The following RANBP17 variants were observed in gnomAD, a reference collection of about 807,000 sequenced individuals.
RANBP17 encodes ran-binding protein 17.
In RANBP17, 158 loss-of-function variants were observed where a neutral mutation model predicts 141.2. The observed-to-expected ratio is 1.12, with a 90% CI of 0.98 to 1.28. The LOEUF is 1.28. RANBP17 is among the 50% of genes most tolerant of loss of function. The pLI, the probability that RANBP17 is intolerant of heterozygous loss-of-function variation, is 0.00. For missense variants in RANBP17, 1,438 were observed against 1,290.7 expected (o/e 1.11, Z -1.75); for synonymous variants, 430 against 450.0 (o/e 0.96, Z 0.56).
chr5:170,935,396 A>G (rs562044908), intron 12 of RANBP17, among the ~76,000 whole-genome samples: 60 of 152,340 alleles, frequency 3.9e-4, no homozygotes, highest in African/African-American at 1.3e-3. Context: ...TCTGATTTTT[A>G]GAATTCTCAG....
chr5:171,195,624 C>A (rs1351578642), intron 18 of RANBP17, among the ~76,000 whole-genome samples: 1 of 152,214 alleles, frequency 6.6e-6, no homozygotes, highest in East Asian at 1.9e-4. Context: ...CTTCATGCAG[C>A]TCCAAATTTA....
intron 13 of RANBP17, among the ~76,000 whole-genome samples, chr5:170,957,740 T>C (rs1029567484): frequency 1.3e-5 from 2 of 152,218 alleles, no homozygotes; most frequent in African/African-American, 2.4e-5. Context: ...AAGGCTGTCA[T>C]GTGCCATACA....
intron 18 of RANBP17, among the ~76,000 whole-genome samples, chr5:171,188,756 G>A (rs1171383358): frequency 6.6e-6 from 1 of 152,124 alleles, no homozygotes; most frequent in East Asian, 1.9e-4. Context: ...ATCTGTGGTA[G>A]GTTAAACAAC....
At chr5:171,102,201 C>T (rs545282990) in intron 14 of RANBP17, among the ~76,000 whole-genome samples, 3 of 152,234 alleles carry the variant, frequency 2.0e-5, no homozygotes, top group African/African-American at 7.2e-5. Flanking sequence ...CAACTTGGTT[C>T]CATTCTTCCC....
At chr5:170,954,859 C>T (rs920806557) in intron 13 of RANBP17, among the ~76,000 whole-genome samples, 2 of 152,172 alleles carry the variant, frequency 1.3e-5, no homozygotes, top group African/African-American at 4.8e-5. Context: ...AATGTATCCT[C>T]TGAACCAAGG....
At chr5:170,985,164 C>A (rs1028659752) in intron 14 of RANBP17, among the ~76,000 whole-genome samples, 2 of 151,980 alleles carry the variant, frequency 1.3e-5, no homozygotes, top group Admixed American at 6.6e-5. Context: ...CACAGACACA[C>A]ACACACACAT....
chr5:170,931,102 T>G (rs1773335060), intron 12 of RANBP17, among the ~76,000 whole-genome samples: 1 of 152,228 alleles, frequency 6.6e-6, no homozygotes, highest in South Asian at 2.1e-4. Context: ...TGATTGCCAT[T>G]CTAACTGGTG....
chr5:171,214,718 A>G (rs1412774653), intron 21 of RANBP17, among the ~76,000 whole-genome samples: 1 of 152,172 alleles, frequency 6.6e-6, no homozygotes, highest in African/African-American at 2.4e-5. Context: ...CCTTAAAGGA[A>G]GGGTGGCTTT....
At position 171,174,120 on chromosome 5, in the gene RANBP17, G is replaced by C. The variant is rs549445053; in HGVS notation, c.1865+2834G>C. Among the ~76,000 whole-genome samples, 49 of 152,236 alleles carry C rather than the reference G, an allele frequency of 3.2e-4. 3 individuals carry two copies. The South Asian group carries it at 1.0e-2, about 31-fold the overall frequency. ...GATTATTGTTATTTTAAAATCCAGT[G>C]ACCTTTTTGACAGAAAGTTAATGTT... On this transcript the variant is annotated intron_variant, in intron 16 of 27. Transcript: ENST00000523189.
chr5:170,923,350 T>C (rs894192810), intron 11 of RANBP17, among the ~76,000 whole-genome samples: 3 of 152,246 alleles, frequency 2.0e-5, no homozygotes, highest in Non-Finnish European at 4.4e-5. Flanking sequence ...CTGTCTTCAT[T>C]AATCTATGTG....
chr5:170,883,936 C>T (rs983270133), intron 3 of RANBP17, among the ~76,000 whole-genome samples: 1 of 152,024 alleles, frequency 6.6e-6, no homozygotes, highest in Non-Finnish European at 1.5e-5. Flanking sequence ...TTTTGTGTGC[C>T]CAAACATTTT....
intron 14 of RANBP17, among the ~76,000 whole-genome samples, chr5:171,045,725 C>T (rs1447813615): frequency 6.6e-6 from 1 of 152,062 alleles, no homozygotes; most frequent in Non-Finnish European, 1.5e-5. Flanking sequence ...TTCACATTTC[C>T]ATCTTTTCTG....
chr5:171,153,000 T>C (rs1175242430), intron 14 of RANBP17, among the ~76,000 whole-genome samples: 1 of 152,214 alleles, frequency 6.6e-6, no homozygotes, highest in Non-Finnish European at 1.5e-5. Context: ...ATCTTGCTCC[T>C]AAAGCATTTT....
rs201600569 is a variant in RANBP17, at chr5:171,019,692, A to AT, written c.1710+51326dup. Among the ~76,000 whole-genome samples the AT allele has an allele frequency of 3.7e-4, 54 of 145,752 alleles. No homozygotes were observed. The South Asian group carries it at 5.7e-3, about 15-fold the overall frequency. On this transcript the variant is annotated intron_variant, in intron 14 of 27. Coordinates refer to ENST00000523189, the MANE Select transcript of RANBP17 (RefSeq NM_022897.5). ...AGCTAGAGGCATATCTATTTTGTTA[A>AT]TTTTTTTTTTTAAACCAGGTCCTGG...
chr5:171,134,210 A>G (rs953616893), intron 14 of RANBP17, among the ~76,000 whole-genome samples: 2 of 152,230 alleles, frequency 1.3e-5, no homozygotes, highest in Non-Finnish European at 2.9e-5. Flanking sequence ...AGGTGTAGAA[A>G]TGCCTTCCAT....
At chr5:171,216,029 A>G (rs1327190188) in intron 21 of RANBP17, among the ~76,000 whole-genome samples, 1 of 152,028 alleles carries the variant, frequency 6.6e-6, no homozygotes, top group East Asian at 1.9e-4. Context: ...TAGGATTTTT[A>G]TGGTTTTGGT....
chr5:171,050,239 T>C (rs1476320597), intron 14 of RANBP17, among the ~76,000 whole-genome samples: 1 of 152,210 alleles, frequency 6.6e-6, no homozygotes, highest in African/African-American at 2.4e-5. Context: ...AACTATAAAC[T>C]ACTATTAGTA....
Position 171,242,776 on chromosome 5 carries a change from T to C in RANBP17, c.2732T>C (p.Leu911Pro). The C allele has an allele frequency of 6.2e-7, 1 of 1,613,610 alleles. No homozygotes were observed. The highest frequency in any genetic ancestry group is 8.5e-7 in the Non-Finnish European group (1 of 1,179,584). ...SFIINLEPPV[L>P]MYVLTSISEG... ...ATCATCAACTTAGAGCCTCCTGTAC[T>C]CATGTATGTTCTCACATCTATCTCA... is the stretch of plus-strand genomic sequence containing the variant. The change falls in exon 24 of 28, where the codon CTC becomes CCC. Residue 911 changes from leucine to proline, a missense_variant. Coordinates refer to ENST00000523189, the MANE Select transcript of RANBP17 (RefSeq NM_022897.5).
intron 3 of RANBP17, among the ~76,000 whole-genome samples, chr5:170,884,609 G>C (rs767497800): frequency 1.5e-4 from 22 of 151,650 alleles, no homozygotes; most frequent in Non-Finnish European, 5.9e-5. Flanking sequence ...AGGCAGAGGA[G>C]GCAGGAAAGG....
Sources: gnomAD v4.1 joint callset for allele counts (sites outside exome capture counted in the v4.1 genomes callset) on GRCh38, gnomAD v4.1.1 for gene constraint, MANE v1.5 for transcripts, NCBI Gene and HGNC (gene_info 2026-07-23, HGNC 2026-07-21) for gene names.